The following RPSA2 variants were observed in gnomAD, a reference collection of about 807,000 sequenced individuals.
RPSA2 encodes the protein small ribosomal subunit protein uS2B.
At chr19:23,869,851 T>C in the RPSA2 span, among the ~76,000 whole-genome samples, 2 of 152,226 alleles carry the variant, frequency 1.3e-5, no homozygotes, top group African/African-American at 4.8e-5. Context: ...TAATGTCACA[T>C]TTGTAAAGAA....
At chr19:23,869,427 T>C in the RPSA2 span, among the ~76,000 whole-genome samples, 1 of 152,102 alleles carries the variant, frequency 6.6e-6, no homozygotes, top group East Asian at 1.9e-4. Context: ...GCCCCAACTG[T>C]GCTGACTATA....
chr19:23,771,800 T>A, the RPSA2 span, among the ~76,000 whole-genome samples: 1 of 152,218 alleles, frequency 6.6e-6, no homozygotes. Context: ...GCCTGGTTTC[T>A]GTTGTACATT....
chr19:23,862,590 G>T, the RPSA2 span, among the ~76,000 whole-genome samples: 1 of 152,102 alleles, frequency 6.6e-6, no homozygotes, highest in Non-Finnish European at 1.5e-5. Context: ...AGCATGAAGG[G>T]TTGTTGAATT....
the RPSA2 span, among the ~76,000 whole-genome samples, chr19:23,848,487 C>A: frequency 6.3e-5 from 3 of 47,636 alleles, no homozygotes; most frequent in African/African-American, 2.1e-4. Context: ...AGACTTTCTG[C>A]CACCTGATCT....
chr19:23,799,594 T>C, the RPSA2 span: 1 of 144,220 alleles, frequency 6.9e-6, no homozygotes, highest in East Asian at 2.1e-4. Flanking sequence ...CAGTGGCAGA[T>C]GGTAGGAAAC....
At chr19:23,767,963 CACTGTGTTGGCCAGGCTGGTCTGGA>C in the RPSA2 span, among the ~76,000 whole-genome samples, 5 of 151,846 alleles carry the variant, frequency 3.3e-5, no homozygotes, top group Admixed American at 2.6e-4. Flanking sequence ...GACGGGGTTT[CACTGTGTTGGCCAGGCTGGTCTGGA>C]ACTCCTGACC....
the RPSA2 span, among the ~76,000 whole-genome samples, chr19:23,770,555 G>A: frequency 7.2e-5 from 11 of 152,294 alleles, no homozygotes; most frequent in East Asian, 9.6e-4. Flanking sequence ...CACATAAGTG[G>A]CCTTGTGAAA....
chr19:23,857,463 T>A, the RPSA2 span, among the ~76,000 whole-genome samples: 1 of 151,286 alleles, frequency 6.6e-6, no homozygotes, highest in Non-Finnish European at 1.5e-5. Flanking sequence ...TTAAAATCTA[T>A]ATTTTGAAGT....
chr19:23,870,867 G>A, the RPSA2 span, among the ~76,000 whole-genome samples: 2 of 152,186 alleles, frequency 1.3e-5, no homozygotes, highest in Non-Finnish European at 2.9e-5. Flanking sequence ...TGATCAAAGA[G>A]CAAACTGTTT....
chr19:23,803,969 C>T, the RPSA2 span, among the ~76,000 whole-genome samples: 1 of 151,970 alleles, frequency 6.6e-6, no homozygotes. Flanking sequence ...GGTTCTTATT[C>T]TAAATCCTTG....
chr19:23,855,433 C>T, the RPSA2 span, among the ~76,000 whole-genome samples: 13 of 152,106 alleles, frequency 8.5e-5, no homozygotes, highest in East Asian at 1.3e-3. Flanking sequence ...CTTTTAAAAA[C>T]GTAAGATTGA....
the RPSA2 span, among the ~76,000 whole-genome samples, chr19:23,854,618 C>A: frequency 6.6e-6 from 1 of 152,294 alleles, no homozygotes; most frequent in African/African-American, 2.4e-5. Flanking sequence ...CCAGTGTTTA[C>A]CTTTATGGCA....
At chr19:23,763,368 C>T in the RPSA2 span, among the ~76,000 whole-genome samples, 70,574 of 152,104 alleles carry the variant, frequency 0.46, 17,181 homozygotes, top group Non-Finnish European at 0.56. Context: ...TTCACGCAGC[C>T]TCGAGTATTT....
At chr19:23,847,164 T>A in the RPSA2 span, among the ~76,000 whole-genome samples, 1 of 152,058 alleles carries the variant, frequency 6.6e-6, no homozygotes, top group African/African-American at 2.4e-5. Flanking sequence ...TGAATGTATT[T>A]TCTTTTTCCT....
chr19:23,804,294 C>CTTTTTTTT, the RPSA2 span, among the ~76,000 whole-genome samples: 1 of 142,548 alleles, frequency 7.0e-6, no homozygotes, highest in Non-Finnish European at 1.5e-5. Context: ...CCTCATTTTT[C>CTTTTTTTT]TTTTTCTTTT....
At chr19:23,863,989 G>T in the RPSA2 span, among the ~76,000 whole-genome samples, 1 of 152,282 alleles carries the variant, frequency 6.6e-6, no homozygotes, top group African/African-American at 2.4e-5. Context: ...CTTAAGAAAA[G>T]GAGCAAAATC....
chr19:23,838,016 G>C, the RPSA2 span, among the ~76,000 whole-genome samples: 3 of 152,092 alleles, frequency 2.0e-5, no homozygotes, highest in African/African-American at 7.2e-5. Flanking sequence ...CCCTTGTCTT[G>C]TTCCCATTTT....
the RPSA2 span, among the ~76,000 whole-genome samples, chr19:23,786,208 T>C: frequency 6.6e-6 from 1 of 152,204 alleles, no homozygotes; most frequent in South Asian, 2.1e-4. Context: ...ATCCAGTTCA[T>C]TGGTGAAATT....
the RPSA2 span, among the ~76,000 whole-genome samples, chr19:23,822,700 CA>C: frequency 2.0e-5 from 3 of 152,124 alleles, no homozygotes; most frequent in African/African-American, 7.2e-5. Flanking sequence ...CCTCCTGGGA[CA>C]GGGGCTCAGA....
Sources: gnomAD v4.1 joint callset for allele counts (sites outside exome capture counted in the v4.1 genomes callset) on GRCh38, gnomAD v4.1.1 for gene constraint, MANE v1.5 for transcripts, NCBI Gene and HGNC (gene_info 2026-07-23, HGNC 2026-07-21) for gene names.